The following ERC2 variants were observed in gnomAD, a reference collection of about 807,000 sequenced individuals.
ERC2 encodes the protein ELKS/RAB6-interacting/CAST family member 2, also known as ERC protein 2.
In ERC2, 42 loss-of-function variants were observed where a neutral mutation model predicts 114.8. The ratio of observed to expected loss-of-function variants is 0.37; its 90% CI spans 0.29 to 0.47. ERC2 has a LOEUF of 0.47. ERC2 is among the 20% of genes least tolerant of loss of function. The probability of loss-of-function intolerance (pLI) is 0.99; values close to 1 mark genes in which losing one functional copy is unlikely to be tolerated. For synonymous variants in ERC2, 454 were observed against 425.5 expected, an observed-to-expected ratio of 1.07 and a Z score of -0.82; for missense variants, 939 against 1,150.7, an observed-to-expected ratio of 0.82 and a Z score of 2.66.
intron 1 of ERC2, among the ~76,000 whole-genome samples, chr3:56,448,598 C>T (rs2062688846): frequency 6.6e-6 from 1 of 152,128 alleles, no homozygotes; most frequent in Non-Finnish European, 1.5e-5. Flanking sequence ...AGGCTTGCTC[C>T]AGCTATACCA....
intron 17 of ERC2, chr3:55,606,641 T>C (rs1447258174): frequency 1.3e-5 from 2 of 152,106 alleles, no homozygotes. Flanking sequence ...AATACAAAAA[T>C]AGCAACTCCT....
intron 3 of ERC2, among the ~76,000 whole-genome samples, chr3:56,208,524 T>G (rs938580762): frequency 6.6e-6 from 1 of 152,174 alleles, no homozygotes; most frequent in South Asian, 2.1e-4. Flanking sequence ...ATTTACAGAT[T>G]TAACAGCAAA....
intron 9 of ERC2, among the ~76,000 whole-genome samples, chr3:56,009,898 AT>A (rs1463708431): frequency 1.3e-5 from 2 of 152,210 alleles, no homozygotes; most frequent in East Asian, 3.8e-4. Context: ...TGGTATAAAA[AT>A]ACAGCTCTAA....
intron 6 of ERC2, among the ~76,000 whole-genome samples, chr3:56,118,157 G>A (rs908557745): frequency 2.6e-5 from 4 of 152,228 alleles, no homozygotes; most frequent in Non-Finnish European, 5.9e-5. Flanking sequence ...AAGTTACTCA[G>A]CTTCCTCATC....
At chr3:55,836,077 C>T (rs1206118345) in intron 14 of ERC2, among the ~76,000 whole-genome samples, 4 of 150,928 alleles carry the variant, frequency 2.7e-5, no homozygotes, top group African/African-American at 2.5e-5. Context: ...AGGAGAACTA[C>T]AAACCACTGC....
intron 4 of ERC2, among the ~76,000 whole-genome samples, chr3:56,172,801 A>T (rs1438790565): frequency 1.3e-5 from 2 of 152,228 alleles, no homozygotes; most frequent in Non-Finnish European, 2.9e-5. Context: ...ATCATGGATC[A>T]TGGCTTGGTC....
At chr3:55,545,936 G>T (rs1175318544) in intron 17 of ERC2, among the ~76,000 whole-genome samples, 1 of 152,150 alleles carries the variant, frequency 6.6e-6, no homozygotes, top group African/African-American at 2.4e-5. Context: ...CCTGTTTTTG[G>T]TGCCTTCCTT....
At chr3:55,691,544 C>CAAAAA (rs748917550) in intron 16 of ERC2, among the ~76,000 whole-genome samples, 9 of 67,020 alleles carry the variant, frequency 1.3e-4, no homozygotes, top group Non-Finnish European at 2.1e-4. Flanking sequence ...ATTTGCAATG[C>CAAAAA]AAAAAAAAAA....
intron 2 of ERC2, among the ~76,000 whole-genome samples, chr3:56,433,407 A>T (rs1415917228): frequency 6.6e-6 from 1 of 152,250 alleles, no homozygotes; most frequent in Non-Finnish European, 1.5e-5. Flanking sequence ...AGGTGGCAGG[A>T]AAAGCAGGTG....
intron 4 of ERC2, among the ~76,000 whole-genome samples, chr3:56,170,585 GTTTTTTT>G (rs1178172687): frequency 1.6e-5 from 1 of 61,776 alleles, no homozygotes; most frequent in East Asian, 5.1e-4. Flanking sequence ...AATCTCTTCT[GTTTTTTT>G]TTTTTTTTTT....
At chr3:55,585,459 C>T (rs2057549952) in intron 17 of ERC2, among the ~76,000 whole-genome samples, 1 of 152,184 alleles carries the variant, frequency 6.6e-6, no homozygotes, top group Admixed American at 6.5e-5. Flanking sequence ...CAAGTGGCTG[C>T]TGGTTCCATA....
intron 15 of ERC2, among the ~76,000 whole-genome samples, chr3:55,712,659 T>C (rs145601674): frequency 2.5e-4 from 38 of 152,302 alleles, no homozygotes; most frequent in Non-Finnish European, 4.3e-4. Context: ...GATGGGAGAC[T>C]CAATAGCTAT....
chr3:55,741,772 A>C (rs1461733098), intron 14 of ERC2, among the ~76,000 whole-genome samples: 1 of 152,206 alleles, frequency 6.6e-6, no homozygotes, highest in Non-Finnish European at 1.5e-5. Flanking sequence ...CACATATACT[A>C]GGAAGGAAGA....
At chr3:56,103,996 G>A (rs2078506602) in intron 6 of ERC2, among the ~76,000 whole-genome samples, 1 of 152,146 alleles carries the variant, frequency 6.6e-6, no homozygotes, top group African/African-American at 2.4e-5. Context: ...TCAATGCACT[G>A]TAAACAACCA....
chr3:55,830,138 G>A (rs1019920420), intron 14 of ERC2, among the ~76,000 whole-genome samples: 1 of 152,184 alleles, frequency 6.6e-6, no homozygotes, highest in Non-Finnish European at 1.5e-5. Flanking sequence ...TGAAATGACT[G>A]TGTACCTCTC....
intron 17 of ERC2, among the ~76,000 whole-genome samples, chr3:55,553,011 ATTT>A (rs66602607): frequency 2.2e-3 from 122 of 55,168 alleles, no homozygotes; most frequent in African/African-American, 7.0e-3. Context: ...GGGCTTCCAG[ATTT>A]TTTTTTTTTT....
intron 6 of ERC2, among the ~76,000 whole-genome samples, chr3:56,127,776 G>A (rs554055828): frequency 6.7e-6 from 1 of 148,236 alleles, no homozygotes; most frequent in South Asian, 2.1e-4. Context: ...CAGATACATA[G>A]TCCAGTGGAA....
At chr3:56,032,885 A>AAGAAAGAAAGAAAGAAAGAAAGAG (rs1553781723) in intron 7 of ERC2, among the ~76,000 whole-genome samples, 1 of 79,268 alleles carries the variant, frequency 1.3e-5, no homozygotes, top group African/African-American at 4.1e-5. Flanking sequence ...GAAAGAAAGA[A>AAGAAAGAAAGAAAGAAAGAAAGAG]AGAGAGAGAG....
At chr3:55,769,994 T>C (rs1328679294) in intron 14 of ERC2, among the ~76,000 whole-genome samples, 1 of 152,214 alleles carries the variant, frequency 6.6e-6, no homozygotes. Flanking sequence ...AAAAGTACAC[T>C]TCCTTGCCCC....
Sources: allele counts gnomAD v4.1 joint callset (sites outside exome capture counted in the v4.1 genomes callset), GRCh38; gene constraint gnomAD v4.1.1; transcripts MANE v1.5; gene names NCBI Gene and HGNC (gene_info 2026-07-23, HGNC 2026-07-21).